The following RANBP10 variants were observed in gnomAD, a reference collection of about 807,000 sequenced individuals.
RANBP10 encodes RAN binding protein 10.
RANBP10 carries 24 observed loss-of-function variants against 72.8 expected under a neutral mutation model. The observed-to-expected ratio is 0.33, with a 90% CI of 0.24 to 0.46. The LOEUF (loss-of-function observed/expected upper bound fraction) is 0.46, where lower values mean the gene tolerates loss of function less well. Among genes scored for constraint, RANBP10 ranks in the 20% least tolerant of loss-of-function variants. RANBP10 has a pLI of 1.00. For missense variants in RANBP10, 679 were observed against 817.5 expected, an observed-to-expected ratio of 0.83 and a Z score of 2.07; for synonymous variants, 310 against 322.3, an observed-to-expected ratio of 0.96 and a Z score of 0.41.
intron 5 of RANBP10, among the ~76,000 whole-genome samples, chr16:67,736,702 T>C (rs1192276183): frequency 6.6e-6 from 1 of 152,224 alleles, no homozygotes; most frequent in Admixed American, 6.5e-5. Context: ...GGTCATTTCA[T>C]GTCACGTCCC....
intron 3 of RANBP10, among the ~76,000 whole-genome samples, chr16:67,750,682 C>T (rs2054176485): frequency 6.6e-6 from 1 of 152,040 alleles, no homozygotes; most frequent in Non-Finnish European, 1.5e-5. Flanking sequence ...AAGGATGATC[C>T]TGTATGACAG....
At chr16:67,755,099 C>T (rs534684805) in intron 3 of RANBP10, among the ~76,000 whole-genome samples, 5 of 152,272 alleles carry the variant, frequency 3.3e-5, no homozygotes, top group South Asian at 2.1e-4. Context: ...TCCTCCTTCC[C>T]GACCCAACCA....
At position 67,794,942 on chromosome 16, in the gene RANBP10, A is replaced by C. The variant is rs562840214; in HGVS notation, c.347+10486T>G. On this transcript the variant is annotated intron_variant, in intron 2 of 13. Transcript: ENST00000317506. ...CCCTGCCTCAAATTAAAAAAAAAAAAAAACAAAAAAAAAAAACAGCAACAA... is the reference window on the plus strand; with the variant it reads ...CCCTGCCTCAAATTAAAAAAAAAAACAAACAAAAAAAAAAAACAGCAACAA... 3.6e-4 allele frequency among the ~76,000 whole-genome samples: 53 copies of C among 149,114 alleles called. 1 individual carries two copies. The highest frequency in any genetic ancestry group is 9.3e-4 in the African/African-American group (38 of 40,766).
chr16:67,805,967 T>C (rs922081825), intron 1 of RANBP10, among the ~76,000 whole-genome samples: 5 of 152,168 alleles, frequency 3.3e-5, no homozygotes, highest in African/African-American at 1.2e-4. Flanking sequence ...TAATGGTAGG[T>C]ATGTGACCAC....
intron 3 of RANBP10, among the ~76,000 whole-genome samples, chr16:67,761,612 C>T (rs2054395904): frequency 6.6e-6 from 1 of 152,120 alleles, no homozygotes; most frequent in Admixed American, 6.6e-5. Flanking sequence ...CTTTGTCACC[C>T]AGGCTGGAGT....
rs1209409043 is a variant in RANBP10, at chr16:67,725,363, G to A, written c.*1065C>T. 6.6e-6 allele frequency: 1 copy of A among 152,474 alleles called. No homozygotes were observed. The highest frequency in any genetic ancestry group is 2.4e-5 in the African/African-American group (1 of 41,444). 9.4% of individuals were successfully genotyped at this position (152,474 alleles called of 1,614,324 possible). A position where few individuals can be genotyped will look rare whatever the true frequency, so the allele number is the denominator to read the frequency against. On this transcript the variant is annotated 3_prime_UTR_variant, in exon 14 of 14. Coordinates refer to ENST00000317506, the MANE Select transcript of RANBP10 (RefSeq NM_020850.3). ...TGCAGAGATGGTGAAGATCTAGGCA[G>A]GAAGAAAGCAGCCCCTGTACTCAAG...
rs2053682105 is a variant in RANBP10, at chr16:67,729,619, T to C, written c.1147+61A>G. The C allele has an allele frequency of 3.8e-6, 6 of 1,567,880 alleles. No homozygotes were observed. Among genetic ancestry groups the C allele is most frequent in the East Asian group, 2.2e-5 (1 of 44,556 alleles). ...CCTGAGCCCAGCCCAGGAAAGGGTA[T>C]GTGGAGTGGCCTCTCTCCTCCACAC... On this transcript the variant is annotated intron_variant, in intron 9 of 13. Coordinates refer to ENST00000317506, the MANE Select transcript of RANBP10 (RefSeq NM_020850.3). The surrounding 1 kb of genome is among the most constrained non-coding windows in gnomAD (Gnocchi z 7.1).
intron 2 of RANBP10, among the ~76,000 whole-genome samples, chr16:67,786,856 G>A (rs901649007): frequency 6.6e-6 from 1 of 152,018 alleles, no homozygotes; most frequent in African/African-American, 2.4e-5. Flanking sequence ...GAACCAGGGA[G>A]GTGGTGGTTG....
At chr16:67,737,974 C>A (rs370864072) in intron 5 of RANBP10, 39 bp downstream of exon 5, 2 of 1,567,968 alleles carry the variant, frequency 1.3e-6, no homozygotes, top group South Asian at 1.2e-5. Context: ...AGTCAGCCCC[C>A]AGAAACCCAG....
chr16:67,776,505 G>A (rs2054708687), intron 2 of RANBP10, among the ~76,000 whole-genome samples: 1 of 146,442 alleles, frequency 6.8e-6, no homozygotes, highest in Admixed American at 6.9e-5. Context: ...CAGGTGTGGT[G>A]GCTCATGCCT....
chr16:67,744,846 G>C (rs2054039091), intron 3 of RANBP10, among the ~76,000 whole-genome samples: 1 of 152,226 alleles, frequency 6.6e-6, no homozygotes, highest in Non-Finnish European at 1.5e-5. Context: ...TTTGTTTTGA[G>C]ACGGAGTCTC....
chr16:67,744,460 G>C lies in RANBP10; in HGVS notation c.401-5C>G, dbSNP rs760050214. ...CATAGGAATGTTTGTCCCAACCTGT[G>C]GGGGAAGAGAGCAGCAATAACTGAG... On this transcript the variant is annotated splice_polypyrimidine_tract_variant and splice_region_variant and intron_variant, in intron 3 of 13. Transcript: ENST00000317506. 33 of 1,610,798 alleles carry C rather than the reference G, an allele frequency of 2.0e-5. 1 individual carries two copies. In the East Asian group the frequency reaches 4.7e-4, roughly 23 times the overall value.
chr16:67,775,411 A>G (rs1483846171), intron 2 of RANBP10, among the ~76,000 whole-genome samples: 1 of 152,208 alleles, frequency 6.6e-6, no homozygotes. Context: ...CTTCTATTCA[A>G]GACAGTATTG....
rs1226593051 is a variant in RANBP10, at chr16:67,729,219, T to A, written c.1352+61A>T. The A allele has an allele frequency of 3.2e-6, 5 of 1,585,058 alleles. No homozygotes were observed. Among genetic ancestry groups the A allele is most frequent in the Non-Finnish European group, 4.3e-6 (5 of 1,164,786 alleles). On this transcript the variant is annotated intron_variant, in intron 10 of 13. Transcript: ENST00000317506. The surrounding 1 kb of genome is among the most constrained non-coding windows in gnomAD (Gnocchi z 7.1). The stretch of plus-strand genomic sequence containing the variant: ...AGGGCAGGGCGCTCAAAGGACAGAC[T>A]GCAATGGGCCCAGCTGGCATAAGGC...
At chr16:67,768,979 A>G (rs1398551591) in intron 3 of RANBP10, among the ~76,000 whole-genome samples, 3 of 152,232 alleles carry the variant, frequency 2.0e-5, no homozygotes, top group Non-Finnish European at 2.9e-5. Flanking sequence ...GGAACAGCAA[A>G]TATTACAAGT....
Position 67,727,320 on chromosome 16 carries a change from C to T in RANBP10, c.1732+7G>A. The T allele has an allele frequency of 6.2e-7, 1 of 1,602,064 alleles. No homozygotes were observed. Among genetic ancestry groups the T allele is most frequent in the Non-Finnish European group, 8.5e-7 (1 of 1,175,066 alleles). On this transcript the variant is annotated splice_region_variant and intron_variant, in intron 13 of 13. Transcript: ENST00000317506. ...CTCTAATAATAATAATAAATAGATTCACTCACCTAAAATGGCGCTGTTGAG... is the reference window on the plus strand; with the variant it reads ...CTCTAATAATAATAATAAATAGATTTACTCACCTAAAATGGCGCTGTTGAG...
chr16:67,733,755 T>C (rs1428786287), intron 6 of RANBP10, among the ~76,000 whole-genome samples: 3 of 152,196 alleles, frequency 2.0e-5, no homozygotes, highest in Non-Finnish European at 1.5e-5. Context: ...GGAGGATCAC[T>C]TGAGCCCAGG....
chr16:67,759,983 C>T (rs2054363939), intron 3 of RANBP10, among the ~76,000 whole-genome samples: 1 of 151,910 alleles, frequency 6.6e-6, no homozygotes, highest in Non-Finnish European at 1.5e-5. Flanking sequence ...GCCTGTAGTC[C>T]CAGCTACTCG....
chr16:67,805,149 T>C (rs1249354971), intron 2 of RANBP10, among the ~76,000 whole-genome samples: 6 of 152,202 alleles, frequency 3.9e-5, no homozygotes, highest in Admixed American at 2.0e-4. Context: ...TTCTGGACAC[T>C]AAATTTTTAA....
Sources: allele counts gnomAD v4.1 joint callset (sites outside exome capture counted in the v4.1 genomes callset), GRCh38; gene constraint gnomAD v4.1.1; non-coding constraint Gnocchi (gnomAD v3.1); transcripts MANE v1.5; gene names NCBI Gene and HGNC (gene_info 2026-07-23, HGNC 2026-07-21).